Variants in TRIP4 observed in about 807,000 individuals in gnomAD.
TRIP4 encodes the protein thyroid hormone receptor interactor 4.
In TRIP4, 54 loss-of-function variants were observed where a neutral mutation model predicts 81.8. The ratio of observed to expected loss-of-function variants is 0.66; its 90% CI spans 0.53 to 0.83. The LOEUF is 0.83. Ranked by LOEUF, TRIP4 falls within the 40% of genes least tolerant of loss-of-function variation. The pLI is 0.00. For missense variants in TRIP4, 662 were observed against 683.6 expected (o/e 0.97, Z 0.35); for synonymous variants, 270 against 242.8 (o/e 1.11, Z -1.04).
chr15:64,393,033 A>G (rs1402274345), intron 1 of TRIP4, among the ~76,000 whole-genome samples: 2 of 152,180 alleles, frequency 1.3e-5, no homozygotes. Context: ...ATCATAGGAC[A>G]ATTTCATAAT....
chr15:64,395,353 T>C (rs1900256575), intron 2 of TRIP4, 45 bp from the exon 3 acceptor site: 1 of 1,537,030 alleles, frequency 6.5e-7, no homozygotes, highest in Admixed American at 2.1e-5. Flanking sequence ...GGAATCCTCT[T>C]ATCAATCTGT....
intron 5 of TRIP4, among the ~76,000 whole-genome samples, chr15:64,404,968 G>A (rs1272646568): frequency 6.6e-6 from 1 of 152,000 alleles, no homozygotes; most frequent in Non-Finnish European, 1.5e-5. Flanking sequence ...TTACAGGAGT[G>A]AGCCACTGCA....
chr15:64,402,710 G>C (rs1367239168), intron 5 of TRIP4, among the ~76,000 whole-genome samples: 2 of 151,690 alleles, frequency 1.3e-5, no homozygotes, highest in African/African-American at 4.9e-5. Context: ...ATTTTTAGTA[G>C]AGATGGGGTT....
At chr15:64,404,875 G>C (rs1891588633) in intron 5 of TRIP4, among the ~76,000 whole-genome samples, 1 of 151,474 alleles carries the variant, frequency 6.6e-6, no homozygotes, top group African/African-American at 2.4e-5. Context: ...TTGTACAGAT[G>C]GGCTCTCACC....
chr15:64,433,627 A>T (rs1892325130), intron 11 of TRIP4, among the ~76,000 whole-genome samples: 1 of 152,124 alleles, frequency 6.6e-6, no homozygotes, highest in South Asian at 2.1e-4. Flanking sequence ...AAAATAACTT[A>T]TGTAATGTCA....
At chr15:64,402,121 A>G (rs1173172707) in intron 5 of TRIP4, among the ~76,000 whole-genome samples, 4 of 152,270 alleles carry the variant, frequency 2.6e-5, no homozygotes, top group East Asian at 3.9e-4. Context: ...AGATGGTAAC[A>G]TTAAAGGAAG....
At chr15:64,410,142 C>T (rs895850346) in intron 7 of TRIP4, among the ~76,000 whole-genome samples, 13 of 151,386 alleles carry the variant, frequency 8.6e-5, no homozygotes, top group Non-Finnish European at 1.6e-4. Context: ...TCTCCTGCCT[C>T]AGCCCCTTGA....
chr15:64,389,437 C>T (rs934260230), intron 1 of TRIP4, among the ~76,000 whole-genome samples: 1 of 151,808 alleles, frequency 6.6e-6, no homozygotes, highest in Admixed American at 6.6e-5. Context: ...TTGGAGACCA[C>T]CCTGGGCAAC....
chr15:64,414,267 CTTTT>C, intron 8 of TRIP4, 56 bp downstream of exon 8: 1 of 1,604,688 alleles, frequency 6.2e-7, no homozygotes, highest in Non-Finnish European at 8.5e-7. Context: ...ATTTTGCCTT[CTTTT>C]AAGTATGTCT....
At chr15:64,426,046 G>A (rs758030561) in intron 11 of TRIP4, among the ~76,000 whole-genome samples, 11 of 152,020 alleles carry the variant, frequency 7.2e-5, no homozygotes, top group Non-Finnish European at 1.5e-4. Flanking sequence ...TCCTGCCACT[G>A]CACTCCAGCC....
intron 10 of TRIP4, among the ~76,000 whole-genome samples, chr15:64,425,001 T>G (rs1319540243): frequency 6.6e-6 from 1 of 152,060 alleles, no homozygotes; most frequent in Non-Finnish European, 1.5e-5. Flanking sequence ...GGTCTTGAAC[T>G]CCTGACCTCA....
Position 64,406,692 on chromosome 15 carries a change from G to A in TRIP4, c.827+233G>A, listed in dbSNP as rs143244077. On this transcript the variant is annotated intron_variant, in intron 6 of 12. Coordinates refer to ENST00000261884, the MANE Select transcript of TRIP4 (RefSeq NM_016213.5). ...TAGCATTTTTTGATTCCTGACAAAT[G>A]TTAGTATATCCCCTGGACAGTTATG... Among the ~76,000 whole-genome samples, 188 of 152,290 alleles carry A rather than the reference G, an allele frequency of 1.2e-3. 7 individuals are homozygous for A. Among genetic ancestry groups the A allele is most frequent in the African/African-American group, 4.4e-3 (183 of 41,566 alleles).
chr15:64,447,649 C>T (rs750229070), intron 12 of TRIP4, among the ~76,000 whole-genome samples: 6 of 152,192 alleles, frequency 3.9e-5, no homozygotes, highest in Non-Finnish European at 8.8e-5. Flanking sequence ...AAATTATTTA[C>T]TTCAGACGGT....
At chr15:64,398,074 T>A (rs569416718) in intron 4 of TRIP4, among the ~76,000 whole-genome samples, 3 of 152,248 alleles carry the variant, frequency 2.0e-5, no homozygotes, top group African/African-American at 7.2e-5. Flanking sequence ...CTAATTTTTT[T>A]GTATTTTTAT....
intron 7 of TRIP4, among the ~76,000 whole-genome samples, chr15:64,411,685 G>GTT (rs34551967): frequency 0.012 from 1,796 of 147,066 alleles, 19 homozygotes; most frequent in Middle Eastern, 0.031. Flanking sequence ...TGTGCATACT[G>GTT]TTTTTTTTTT....
At position 64,397,734 on chromosome 15, in the gene TRIP4, C is replaced by G. The variant is rs200177653; in HGVS notation, c.534C>G (p.His178Gln). Residue 178 changes from histidine to glutamine, a missense_variant, in exon 4 of 13, where the codon CAC becomes CAG. Physicochemically the swap from His to Gln is conservative, Grantham distance 24. Coordinates refer to ENST00000261884, the MANE Select transcript of TRIP4 (RefSeq NM_016213.5). ...CTTGTGATTGCCTGGGCCAGAAGCA[C>G]AAGCTCATCAATAACTGTCTGATCT... Reference protein sequence around the residue: ...RHPCDCLGQKHKLINNCLICG... With the variant: ...RHPCDCLGQKQKLINNCLICG... The G allele has an allele frequency of 9.3e-6, 15 of 1,614,230 alleles. No homozygotes were observed. The African/African-American group carries it at 1.6e-4, about 17-fold the overall frequency.
At chr15:64,424,266 T>G (rs1345021851) in intron 10 of TRIP4, 111 bp downstream of exon 10, 1 of 1,460,514 alleles carries the variant, frequency 6.8e-7, no homozygotes, top group Admixed American at 2.1e-5. Flanking sequence ...AAAGAGACTT[T>G]TAATCTTTGT....
In TRIP4 at chr15:64,422,522, C is replaced by T. The variant is rs190616598; in HGVS notation, c.1359-1509C>T. ...TTGTTTCATAGTTCATGTCTGTAAA[C>T]GCCATTAGAACAAGTGCATGGGAAT... is the stretch of plus-strand genomic sequence containing the variant. On this transcript the variant is annotated intron_variant, in intron 9 of 12. Transcript: ENST00000261884. Among the ~76,000 whole-genome samples, 116 of 152,296 alleles carry T rather than the reference C, an allele frequency of 7.6e-4. 1 individual carries two copies. The highest frequency in any genetic ancestry group is 1.0e-3 in the Admixed American group (16 of 15,276).
At chr15:64,388,454 G>T (rs1474401886) in intron 1 of TRIP4, among the ~76,000 whole-genome samples, 1 of 152,024 alleles carries the variant, frequency 6.6e-6, no homozygotes, top group East Asian at 1.9e-4. Context: ...TTACAGGCAC[G>T]CACCACCACA....
Sources: gnomAD v4.1 joint callset for allele counts (sites outside exome capture counted in the v4.1 genomes callset) on GRCh38, gnomAD v4.1.1 for gene constraint, MANE v1.5 for transcripts, NCBI Gene and HGNC (gene_info 2026-07-23, HGNC 2026-07-21) for gene names.